CCT6B: variants seen among roughly 807,000 people sequenced by gnomAD.
CCT6B encodes the protein probable T-complex protein 1 subunit zeta-2.
In CCT6B, 49 loss-of-function variants were observed where a neutral mutation model predicts 61.5. The observed-to-expected ratio is 0.80, with a 90% CI of 0.63 to 1.01. CCT6B has a LOEUF of 1.01. Among genes scored for constraint, CCT6B ranks in the 50% least tolerant of loss-of-function variants. The pLI, the probability that CCT6B is intolerant of heterozygous loss-of-function variation, is 0.00. For synonymous variants in CCT6B, 228 were observed against 214.5 expected, an observed-to-expected ratio of 1.06 and a Z score of -0.55; for missense variants, 666 against 634.7, an observed-to-expected ratio of 1.05 and a Z score of -0.53.
chr17:34,952,276 T>C (rs559012266), intron 4 of CCT6B, among the ~76,000 whole-genome samples: 1 of 152,344 alleles, frequency 6.6e-6, no homozygotes, highest in African/African-American at 2.4e-5. Flanking sequence ...CCAAACCTTT[T>C]ATTTTACAGA....
intron 7 of CCT6B, among the ~76,000 whole-genome samples, chr17:34,941,101 A>C (rs1191438116): frequency 1.3e-5 from 2 of 152,142 alleles, no homozygotes; most frequent in Non-Finnish European, 2.9e-5. Flanking sequence ...ATAATTATGG[A>C]AATTCTTCTT....
chr17:34,946,458 A>G (rs116965508), intron 5 of CCT6B, among the ~76,000 whole-genome samples: 1 of 152,334 alleles, frequency 6.6e-6, no homozygotes, highest in Non-Finnish European at 1.5e-5. Flanking sequence ...GGAATAGAAC[A>G]CCATAAAAGG....
At chr17:34,942,707 T>G (rs2090179211) in intron 6 of CCT6B, 64 bp from the exon 7 acceptor site, 3 of 1,492,496 alleles carry the variant, frequency 2.0e-6, no homozygotes, top group Non-Finnish European at 2.7e-6. Flanking sequence ...ATAGAAGTAG[T>G]CTACACCAAA....
chr17:34,948,876 A>T (rs1045194280), intron 5 of CCT6B, among the ~76,000 whole-genome samples: 1 of 151,808 alleles, frequency 6.6e-6, no homozygotes, highest in Admixed American at 6.6e-5. Flanking sequence ...TGACAAAAAA[A>T]ATATAAAAAT....
At chr17:34,943,010 A>C (rs765371943) in intron 5 of CCT6B, 104 bp from the exon 6 acceptor site, 3 of 650,488 alleles carry the variant, frequency 4.6e-6, no homozygotes, top group Non-Finnish European at 7.7e-6. Flanking sequence ...CAGGACACAC[A>C]TTGTTTCCTT....
chr17:34,933,427 C>T (rs1428919493), intron 10 of CCT6B, among the ~76,000 whole-genome samples: 2 of 152,156 alleles, frequency 1.3e-5, no homozygotes, highest in African/African-American at 4.8e-5. Context: ...ACAATCTCCC[C>T]TTTTATCTCA....
At chr17:34,954,638 T>C in intron 3 of CCT6B, 39 bp from the exon 4 acceptor site, 2 of 1,523,662 alleles carry the variant, frequency 1.3e-6, no homozygotes, top group Non-Finnish European at 1.8e-6. Flanking sequence ...ATAAAATAAG[T>C]CACCCAATGT....
At chr17:34,949,127 A>G (rs1397648996) in intron 5 of CCT6B, among the ~76,000 whole-genome samples, 4 of 151,650 alleles carry the variant, frequency 2.6e-5, no homozygotes, top group Admixed American at 6.6e-5. Context: ...AGAAAAGGAG[A>G]AAAGCATAGA....
chr17:34,950,325 AC>A (rs1369265449), intron 5 of CCT6B, among the ~76,000 whole-genome samples: 1 of 152,210 alleles, frequency 6.6e-6, no homozygotes, highest in Non-Finnish European at 1.5e-5. Context: ...AAAAGTCCCC[AC>A]AAAATTCCAA....
intron 3 of CCT6B, 60 bp from the exon 4 acceptor site, chr17:34,954,659 A>G: frequency 1.5e-6 from 2 of 1,344,262 alleles, no homozygotes. Context: ...AAAAGTAACC[A>G]ACCTGTCTGA....
At chr17:34,931,161 C>T (rs2090031674) in intron 11 of CCT6B, 110 bp from the exon 12 acceptor site, 1 of 286,982 alleles carries the variant, frequency 3.5e-6, no homozygotes. Flanking sequence ...CATAACATGG[C>T]AATCATCTCC....
At chr17:34,931,461 T>C (rs898201515) in intron 11 of CCT6B, among the ~76,000 whole-genome samples, 3 of 152,182 alleles carry the variant, frequency 2.0e-5, no homozygotes, top group Admixed American at 2.0e-4. Flanking sequence ...CCAGAATATT[T>C]GCAGCACCTT....
At chr17:34,944,785 G>C (rs1375657967) in intron 5 of CCT6B, among the ~76,000 whole-genome samples, 1 of 152,234 alleles carries the variant, frequency 6.6e-6, no homozygotes. Flanking sequence ...AATTAGTCGG[G>C]CCTGGTGGCA....
At chr17:34,930,357 G>C (rs991007638) in intron 12 of CCT6B, among the ~76,000 whole-genome samples, 2 of 152,176 alleles carry the variant, frequency 1.3e-5, no homozygotes, top group African/African-American at 4.8e-5. Context: ...CCTGAGACTG[G>C]TCCAAATGCC....
At chr17:34,930,880 T>A in intron 12 of CCT6B, 69 bp downstream of exon 12, 1 of 738,272 alleles carries the variant, frequency 1.4e-6, no homozygotes, top group Non-Finnish European at 2.3e-6. Flanking sequence ...TCTACTCCTT[T>A]ACCATAAGAT....
At chr17:34,939,147 AC>A (rs781249441) in intron 10 of CCT6B, 35 bp downstream of exon 10, 1 of 1,558,554 alleles carries the variant, frequency 6.4e-7, no homozygotes, top group South Asian at 1.1e-5. Flanking sequence ...ACACACATAT[AC>A]ATGAGGTTCA....
chr17:34,937,100 G>A (rs923805588), intron 10 of CCT6B, among the ~76,000 whole-genome samples: 3 of 152,098 alleles, frequency 2.0e-5, no homozygotes. Context: ...CAAGTCTGCA[G>A]TGAGCCATGA....
Position 34,958,547 on chromosome 17 carries a change from G to C in CCT6B, c.336+13C>G. The C allele has an allele frequency of 1.4e-6, 2 of 1,471,262 alleles. No individual in the cohort carries two copies. Among genetic ancestry groups the C allele is most frequent in the Non-Finnish European group, 1.8e-6 (2 of 1,102,304 alleles). The allele number at this position is 1,471,262 out of a possible 1,614,324, so 91.1% of individuals were successfully genotyped here. ...CCATTCAAAATAACATATAAACTGTGAAATTCTAATACCTCAGAAATGTAC... is the reference window on the plus strand; with the variant it reads ...CCATTCAAAATAACATATAAACTGTCAAATTCTAATACCTCAGAAATGTAC... On this transcript the variant is annotated intron_variant, in intron 3 of 13. Coordinates refer to ENST00000314144, the MANE Select transcript of CCT6B (RefSeq NM_006584.4).
intron 5 of CCT6B, among the ~76,000 whole-genome samples, chr17:34,947,922 A>G (rs1234511507): frequency 6.6e-6 from 1 of 151,246 alleles, no homozygotes; most frequent in Admixed American, 6.6e-5. Context: ...AGTTGCAGTG[A>G]GCCGAGATCA....
Sources: gnomAD v4.1 joint callset for allele counts (sites outside exome capture counted in the v4.1 genomes callset) on GRCh38, gnomAD v4.1.1 for gene constraint, MANE v1.5 for transcripts, NCBI Gene and HGNC (gene_info 2026-07-23, HGNC 2026-07-21) for gene names.